MGAT5: variants seen among roughly 807,000 people sequenced by gnomAD.
The protein encoded by MGAT5 is alpha-1,6-mannosylglycoprotein 6-beta-N-acetylglucosaminyltransferase.
Under a neutral mutation model 94.3 loss-of-function variants are expected in MGAT5, and 30 were observed. The observed-to-expected ratio is 0.32, with a 90% CI of 0.24 to 0.43. The LOEUF (loss-of-function observed/expected upper bound fraction) is 0.43, where lower values mean the gene tolerates loss of function less well. Ranked by LOEUF, MGAT5 falls within the 20% of genes least tolerant of loss-of-function variation. The pLI is 1.00. For missense variants in MGAT5, 691 were observed against 905.5 expected, an observed-to-expected ratio of 0.76 and a Z score of 3.04; for synonymous variants, 310 against 322.9, an observed-to-expected ratio of 0.96 and a Z score of 0.43.
chr2:134,170,525 C>T lies in MGAT5; in HGVS notation c.-143+50234C>T, dbSNP rs184649011. On this transcript the variant is annotated intron_variant, in intron 1 of 16. Coordinates refer to the MGAT5 transcript ENST00000409645. ...CAGACAAAAATGCTAATACTTTATG[C>T]GGTTTGCAGGAATTGGCTTCGTTTG... Among the ~76,000 whole-genome samples, 145 of 152,252 alleles carry T rather than the reference C, an allele frequency of 9.5e-4. 1 individual carries two copies. Among genetic ancestry groups the T allele is most frequent in the Middle Eastern group, 3.4e-3 (1 of 294 alleles).
intron 1 of MGAT5, among the ~76,000 whole-genome samples, chr2:134,258,543 C>A (rs1683124313): frequency 1.3e-5 from 2 of 152,214 alleles, no homozygotes; most frequent in African/African-American, 4.8e-5. Context: ...TATTTACTGT[C>A]TGGTTCTTTA....
intron 3 of MGAT5, 27 bp downstream of exon 3, chr2:134,317,632 A>G (rs748150497): frequency 1.4e-6 from 2 of 1,440,388 alleles, no homozygotes; most frequent in East Asian, 5.2e-5. Context: ...CATCATCCCC[A>G]ATCTGCACAA....
intron 1 of MGAT5, among the ~76,000 whole-genome samples, chr2:134,229,322 A>G (rs910385032): frequency 2.0e-5 from 3 of 152,204 alleles, no homozygotes; most frequent in Admixed American, 1.3e-4. Flanking sequence ...TGGCACATGA[A>G]TTTTGCCCAG....
chr2:134,266,697 A>C (rs560063740), intron 1 of MGAT5, among the ~76,000 whole-genome samples: 1 of 152,348 alleles, frequency 6.6e-6, no homozygotes, highest in Non-Finnish European at 1.5e-5. Context: ...CACATGCTTA[A>C]TGTGCCTAGC....
intron 2 of MGAT5, 143 bp from the exon 3 acceptor site, chr2:134,317,386 G>A (rs1444510854): frequency 4.0e-6 from 2 of 498,534 alleles, no homozygotes; most frequent in African/African-American, 2.0e-5. Flanking sequence ...TATTGGAGCT[G>A]GAGGGGCTCC....
chr2:134,429,340 A>G (rs1183893246), intron 14 of MGAT5, among the ~76,000 whole-genome samples: 1 of 152,180 alleles, frequency 6.6e-6, no homozygotes, highest in Admixed American at 6.5e-5. Context: ...CTGCTGTTGG[A>G]GCTGGGAGCC....
chr2:134,161,961 C>T (rs1465172948), intron 1 of MGAT5, among the ~76,000 whole-genome samples: 2 of 151,738 alleles, frequency 1.3e-5, no homozygotes, highest in Admixed American at 1.3e-4. Flanking sequence ...GAGGCTGAGG[C>T]GGGCAGATCA....
chr2:134,131,824 T>C (rs1686189362), intron 1 of MGAT5, among the ~76,000 whole-genome samples: 1 of 152,128 alleles, frequency 6.6e-6, no homozygotes, highest in African/African-American at 2.4e-5. Flanking sequence ...TTTACAGGAC[T>C]GGGCTTGCAC....
intron 2 of MGAT5, among the ~76,000 whole-genome samples, chr2:134,293,621 A>G (rs766457410): frequency 6.6e-6 from 1 of 152,072 alleles, no homozygotes; most frequent in Non-Finnish European, 1.5e-5. Context: ...GGTATACACC[A>G]CCATGCCTGG....
rs1215385759 is a variant in MGAT5, at chr2:134,453,647, TCA to T, written c.*4801_*4802del. 6.6e-6 allele frequency: 1 copy of T among 152,150 alleles called. No homozygotes were observed. Among genetic ancestry groups the T allele is most frequent in the African/African-American group, 2.4e-5 (1 of 41,416 alleles). 9.4% of individuals were successfully genotyped at this position (152,150 alleles called of 1,614,324 possible). ...GGGTGGCCCCTCCTGTCCTCAGGGA[TCA>T]GACTCCCAGACTGGTTAGTTCTGCA... is the stretch of plus-strand genomic sequence containing the variant. On this transcript the variant is annotated 3_prime_UTR_variant, in exon 16 of 16. Coordinates refer to ENST00000281923, the MANE Select transcript of MGAT5 (RefSeq NM_002410.5).
At chr2:134,126,840 T>C (rs1471602674) in intron 1 of MGAT5, among the ~76,000 whole-genome samples, 1 of 152,080 alleles carries the variant, frequency 6.6e-6, no homozygotes, top group Non-Finnish European at 1.5e-5. Flanking sequence ...GTGTAACTAC[T>C]ACCTTTCAAC....
At chr2:134,273,464 C>T (rs1684159619) in intron 2 of MGAT5, among the ~76,000 whole-genome samples, 1 of 152,176 alleles carries the variant, frequency 6.6e-6, no homozygotes, top group African/African-American at 2.4e-5. Flanking sequence ...TTACAGCTGA[C>T]TCTGGTGTCT....
At position 134,302,716 on chromosome 2, in the gene MGAT5, CTGTGTGTGTGTGTGTGTG is replaced by C. The variant is rs3034344; in HGVS notation, c.407-14775_407-14758del. 6.6e-3 allele frequency among the ~76,000 whole-genome samples: 882 copies of C among 133,682 alleles called. 4 individuals are homozygous for C. The highest frequency in any genetic ancestry group is 0.022 in the African/African-American group (781 of 34,744). The allele number at this position is 133,682 out of a possible 152,430, so 87.7% of individuals were successfully genotyped here. On this transcript the variant is annotated intron_variant, in intron 2 of 15. Transcript: ENST00000281923. Reference sequence around the variant, plus strand: ...GTTTTCTCTCAGCATTTAAGAAATGCTGTGTGTGTGTGTGTGTGTGTGTGTGTGTGTGTGTGTGTGTGT... The same window carrying C: ...GTTTTCTCTCAGCATTTAAGAAATGCTGTGTGTGTGTGTGTGTGTGTGTGT...
In MGAT5 at chr2:134,344,920, GT is replaced by G. The variant is rs1558809788; in HGVS notation, c.978-7del. On this transcript the variant is annotated splice_polypyrimidine_tract_variant and intron_variant, in intron 7 of 15. Transcript: ENST00000281923. Reference sequence around the variant, plus strand: ...TCTTTTTTCTCCCCTCTCTTTTGCCGTTTCTCTAGAATCATGAAGAAGGTTG... The same window carrying G: ...TCTTTTTTCTCCCCTCTCTTTTGCCGTTCTCTAGAATCATGAAGAAGGTTG... 1 of 1,609,230 alleles carries G rather than the reference GT, an allele frequency of 6.2e-7. No individual in the cohort carries two copies. The highest frequency in any genetic ancestry group is 1.3e-5 in the African/African-American group (1 of 74,786).
intron 1 of MGAT5, among the ~76,000 whole-genome samples, chr2:134,202,843 C>G (rs1679860934): frequency 6.6e-6 from 1 of 152,004 alleles, no homozygotes; most frequent in Non-Finnish European, 1.5e-5. Context: ...AATTCTCCCC[C>G]AAAAAATCAA....
At chr2:134,351,170 G>A (rs1679358118) in intron 9 of MGAT5, among the ~76,000 whole-genome samples, 1 of 152,156 alleles carries the variant, frequency 6.6e-6, no homozygotes, top group South Asian at 2.1e-4. Context: ...ATTGTTCATG[G>A]AGCTGTATCA....
chr2:134,335,354 C>T (rs188166512), intron 4 of MGAT5, among the ~76,000 whole-genome samples: 11 of 152,182 alleles, frequency 7.2e-5, no homozygotes, highest in African/African-American at 1.9e-4. Flanking sequence ...TATTAGTAAA[C>T]GGGTGATAAT....
intron 2 of MGAT5, among the ~76,000 whole-genome samples, chr2:134,282,755 G>A (rs991889404): frequency 1.3e-5 from 2 of 152,178 alleles, no homozygotes; most frequent in Admixed American, 1.3e-4. Flanking sequence ...TAAGAAATTA[G>A]CGAAGGAAGT....
At chr2:134,418,253 A>G (rs1684086651) in intron 12 of MGAT5, among the ~76,000 whole-genome samples, 2 of 152,184 alleles carry the variant, frequency 1.3e-5, no homozygotes, top group South Asian at 2.1e-4. Context: ...TGCTGAGGTC[A>G]TGGAAGGTTT....
Sources: allele counts gnomAD v4.1 joint callset (sites outside exome capture counted in the v4.1 genomes callset), GRCh38; gene constraint gnomAD v4.1.1; transcripts MANE v1.5; gene names NCBI Gene and HGNC (gene_info 2026-07-23, HGNC 2026-07-21).